The following CAMTA1 variants were observed in gnomAD, a reference collection of about 807,000 sequenced individuals.
CAMTA1 encodes the protein calmodulin-binding transcription activator 1.
Under a neutral mutation model 170.9 loss-of-function variants are expected in CAMTA1, and 27 were observed. That is an observed-to-expected ratio of 0.16 (90% CI 0.12 to 0.22). CAMTA1 has a LOEUF of 0.22. Ranked by LOEUF, CAMTA1 falls within the 10% of genes least tolerant of loss-of-function variation. The pLI is 1.00. For missense variants in CAMTA1, 1,619 were observed against 2,217.2 expected, an observed-to-expected ratio of 0.73 and a Z score of 5.42; for synonymous variants, 833 against 891.5, an observed-to-expected ratio of 0.93 and a Z score of 1.17.
chr1:6,847,885 G>C (rs974515649), intron 3 of CAMTA1, among the ~76,000 whole-genome samples: 1 of 110,676 alleles, frequency 9.0e-6, no homozygotes, highest in Non-Finnish European at 2.0e-5. Context: ...TTTTTTTTTT[G>C]TATTTTTAGT....
chr1:7,303,167 C>A (rs888435641), intron 5 of CAMTA1, among the ~76,000 whole-genome samples: 1 of 152,262 alleles, frequency 6.6e-6, no homozygotes, highest in East Asian at 1.9e-4. Flanking sequence ...AGTATAAGCA[C>A]CGTTATTATT....
chr1:7,541,091 G>A (rs2094606611), intron 6 of CAMTA1, among the ~76,000 whole-genome samples: 1 of 152,250 alleles, frequency 6.6e-6, no homozygotes, highest in African/African-American at 2.4e-5. Flanking sequence ...CCTTCCTCGA[G>A]GCTCCAGCTG....
chr1:7,014,562 A>G lies in CAMTA1; in HGVS notation c.235-76742A>G, dbSNP rs980506402. ...TCTGTAACTAAAGCCCAGCCCAAGTATAGGGAGCAATGGCCGAGCTTCTGT... is the reference window on the plus strand; with the variant it reads ...TCTGTAACTAAAGCCCAGCCCAAGTGTAGGGAGCAATGGCCGAGCTTCTGT... On this transcript the variant is annotated intron_variant, in intron 3 of 22. Coordinates refer to ENST00000303635, the MANE Select transcript of CAMTA1 (RefSeq NM_015215.4). The surrounding 1 kb of genome is among the most constrained non-coding windows in gnomAD (Gnocchi z 4.2). Among the ~76,000 whole-genome samples the G allele has an allele frequency of 2.6e-5, 4 of 152,220 alleles. No individual in the cohort carries two copies. The highest frequency in any genetic ancestry group is 4.4e-5 in the Non-Finnish European group (3 of 68,046).
chr1:7,022,299 A>C (rs1425136874), intron 3 of CAMTA1, among the ~76,000 whole-genome samples: 1 of 151,774 alleles, frequency 6.6e-6, no homozygotes, highest in Non-Finnish European at 1.5e-5. Flanking sequence ...ACTCTTTATG[A>C]TCCCTTCCCT....
intron 3 of CAMTA1, among the ~76,000 whole-genome samples, chr1:7,069,697 T>C (rs1159617275): frequency 6.6e-6 from 1 of 150,598 alleles, no homozygotes; most frequent in Non-Finnish European, 1.5e-5. Context: ...CCTCTGAGAG[T>C]GGAGTGGGAA....
At chr1:7,490,698 G>C (rs1486668853) in intron 6 of CAMTA1, among the ~76,000 whole-genome samples, 1 of 151,926 alleles carries the variant, frequency 6.6e-6, no homozygotes, top group Non-Finnish European at 1.5e-5. Flanking sequence ...GGAGTGGCCA[G>C]TGTGACCTGA....
chr1:7,612,922 G>A (rs1388574293), intron 6 of CAMTA1, among the ~76,000 whole-genome samples: 2 of 152,236 alleles, frequency 1.3e-5, no homozygotes, highest in Non-Finnish European at 2.9e-5. Context: ...CTCTTGGAGG[G>A]CCTGCTCCCC....
chr1:7,005,902 G>A (rs1379718495), intron 3 of CAMTA1, among the ~76,000 whole-genome samples: 2 of 152,248 alleles, frequency 1.3e-5, no homozygotes, highest in Non-Finnish European at 2.9e-5. Flanking sequence ...GTCTGGAGGG[G>A]TGGCCCCTCA....
intron 6 of CAMTA1, among the ~76,000 whole-genome samples, chr1:7,621,500 T>C (rs985775465): frequency 5.9e-5 from 9 of 152,300 alleles, no homozygotes; most frequent in African/African-American, 2.2e-4. Flanking sequence ...ACCTCTGATA[T>C]TCAAATTCCT....
At chr1:6,884,912 C>A (rs965810019) in intron 3 of CAMTA1, among the ~76,000 whole-genome samples, 1 of 152,176 alleles carries the variant, frequency 6.6e-6, no homozygotes, top group African/African-American at 2.4e-5. Context: ...CCTTCCCGCA[C>A]CATTGTATTC....
At chr1:7,489,997 G>A (rs994068118) in intron 6 of CAMTA1, among the ~76,000 whole-genome samples, 15 of 152,206 alleles carry the variant, frequency 9.9e-5, no homozygotes, top group Non-Finnish European at 2.1e-4. Context: ...TCCACGCCGG[G>A]ATATTGGATC....
chr1:7,452,708 C>T (rs1307067055), intron 5 of CAMTA1, among the ~76,000 whole-genome samples: 1 of 152,222 alleles, frequency 6.6e-6, no homozygotes, highest in Non-Finnish European at 1.5e-5. Context: ...CTTGGTTCCC[C>T]TCTCGGGGTG....
intron 5 of CAMTA1, among the ~76,000 whole-genome samples, chr1:7,384,333 C>A (rs1328459829): frequency 1.3e-5 from 2 of 152,198 alleles, no homozygotes; most frequent in Non-Finnish European, 2.9e-5. Flanking sequence ...TGGCCTGGTG[C>A]AGGAAAGGGG....
At chr1:7,533,520 C>T (rs766233192) in intron 6 of CAMTA1, among the ~76,000 whole-genome samples, 1 of 152,210 alleles carries the variant, frequency 6.6e-6, no homozygotes, top group Non-Finnish European at 1.5e-5. Context: ...CAGCAGGAAG[C>T]ACGGAGTCAC....
In CAMTA1 at chr1:7,384,086, G is replaced by A. The variant is rs1378081120; in HGVS notation, c.439-83744G>A. ...AACTCCCAGTGCTAGATCCACCCTG[G>A]GAAAGAAAAGGTGGCAGGGGAAAGC... On this transcript the variant is annotated intron_variant, in intron 5 of 22. Transcript: ENST00000303635. Among the ~76,000 whole-genome samples the A allele has an allele frequency of 4.6e-5, 7 of 152,302 alleles. No individual in the cohort carries two copies. The East Asian group carries it at 1.3e-3, about 29-fold the overall frequency.
chr1:7,645,329 C>T (rs377329369), intron 7 of CAMTA1, among the ~76,000 whole-genome samples: 121 of 152,338 alleles, frequency 7.9e-4, no homozygotes, highest in African/African-American at 2.8e-3. Context: ...CAGATGGAAC[C>T]GTTTCCTCGG....
chr1:7,300,209 C>T lies in CAMTA1; in HGVS notation c.438+50583C>T, dbSNP rs1255311461. The stretch of plus-strand genomic sequence containing the variant: ...AAAACAGCTGCATTAGAGGGACTCA[C>T]TCAGAAAACATGATTTTCCTTCCTC... On this transcript the variant is annotated intron_variant, in intron 5 of 22. Coordinates refer to ENST00000303635, the MANE Select transcript of CAMTA1 (RefSeq NM_015215.4). This position sits in a 1 kb window ranked among gnomAD's most constrained non-coding sequence, Gnocchi z 4.1. Among the ~76,000 whole-genome samples the T allele has an allele frequency of 6.6e-6, 1 of 152,200 alleles. No individual in the cohort carries two copies. The highest frequency in any genetic ancestry group is 1.9e-4 in the East Asian group (1 of 5,194).
rs140095117 is a variant in CAMTA1 at position 7,461,209 on chromosome 1, C to G, written c.439-6621C>G. On this transcript the variant is annotated intron_variant, in intron 5 of 22. Coordinates refer to ENST00000303635, the MANE Select transcript of CAMTA1 (RefSeq NM_015215.4). The stretch of plus-strand genomic sequence containing the variant: ...GGAATCTTCCCTGGTTGATTCAGGC[C>G]TGCCCAGGTAGAACAACAGGTGCCA... 3.2e-4 allele frequency among the ~76,000 whole-genome samples: 48 copies of G among 152,300 alleles called. 1 individual carries two copies. Among genetic ancestry groups the G allele is most frequent in the African/African-American group, 1.1e-3 (46 of 41,566 alleles).
At chr1:7,072,134 C>T (rs577404972) in intron 3 of CAMTA1, among the ~76,000 whole-genome samples, 10 of 152,324 alleles carry the variant, frequency 6.6e-5, no homozygotes, top group South Asian at 2.1e-4. Context: ...CTGAGCTGAA[C>T]GACACGTGGT....
Sources: allele counts gnomAD v4.1 joint callset (sites outside exome capture counted in the v4.1 genomes callset), GRCh38; gene constraint gnomAD v4.1.1; non-coding constraint Gnocchi (gnomAD v3.1); transcripts MANE v1.5; gene names NCBI Gene and HGNC (gene_info 2026-07-23, HGNC 2026-07-21).